Variants in PCSK5 observed in about 807,000 individuals in gnomAD.
PCSK5 encodes the protein prohormone convertase 5.
A neutral mutation model predicts 233.2 loss-of-function variants in PCSK5; 129 were observed. The ratio of observed to expected loss-of-function variants is 0.55; its 90% CI spans 0.48 to 0.64. PCSK5 has a LOEUF of 0.64. Ranked by LOEUF, PCSK5 falls within the 30% of genes least tolerant of loss-of-function variation. The probability of loss-of-function intolerance (pLI) is 0.00; values close to 1 mark genes in which losing one functional copy is unlikely to be tolerated. For missense variants in PCSK5, 2,076 were observed against 2,430.1 expected (o/e 0.85, Z 3.06); for synonymous variants, 825 against 879.2 (o/e 0.94, Z 1.09).
intron 1 of PCSK5, among the ~76,000 whole-genome samples, chr9:75,917,720 A>G (rs936268390): frequency 2.0e-5 from 3 of 152,250 alleles, no homozygotes; most frequent in East Asian, 3.8e-4. Context: ...GGATTACTTT[A>G]TTCATCTTGC....
intron 15 of PCSK5, among the ~76,000 whole-genome samples, chr9:76,180,087 G>GTATA (rs1554701013): frequency 0.072 from 9,585 of 132,436 alleles, 366 homozygotes; most frequent in Middle Eastern, 0.12. Context: ...GTGTGTGTGT[G>GTATA]TATATATATA....
chr9:75,910,555 A>T (rs567665949), intron 1 of PCSK5, among the ~76,000 whole-genome samples: 1 of 151,788 alleles, frequency 6.6e-6, no homozygotes, highest in Admixed American at 6.6e-5. Context: ...AATCACTGGT[A>T]AGCTTCGTTA....
At chr9:76,235,282 A>G (rs973741567) in intron 22 of PCSK5, among the ~76,000 whole-genome samples, 3 of 150,078 alleles carry the variant, frequency 2.0e-5, no homozygotes, top group African/African-American at 7.4e-5. Flanking sequence ...TCACCTCTTT[A>G]TGCCTCTTCT....
At chr9:75,975,830 C>T (rs949042754) in intron 2 of PCSK5, among the ~76,000 whole-genome samples, 1 of 152,092 alleles carries the variant, frequency 6.6e-6, no homozygotes, top group African/African-American at 2.4e-5. Flanking sequence ...TTTCGAATTG[C>T]TTAGAGGATG....
chr9:76,089,689 G>T (rs895847533), intron 7 of PCSK5, among the ~76,000 whole-genome samples: 3 of 152,138 alleles, frequency 2.0e-5, no homozygotes, highest in Non-Finnish European at 4.4e-5. Flanking sequence ...TACAGGAGAA[G>T]AAAGTAATAC....
chr9:76,092,856 C>G (rs1831351955), intron 7 of PCSK5, among the ~76,000 whole-genome samples: 1 of 152,104 alleles, frequency 6.6e-6, no homozygotes, highest in Admixed American at 6.5e-5. Context: ...AAAAAATTAT[C>G]TCTTAACAAT....
At chr9:75,990,344 C>T (rs1010448611) in intron 3 of PCSK5, among the ~76,000 whole-genome samples, 1 of 152,168 alleles carries the variant, frequency 6.6e-6, no homozygotes, top group Non-Finnish European at 1.5e-5. Context: ...AATTTACAAG[C>T]TTTTCCCATG....
At chr9:76,102,390 A>G (rs1168313222) in intron 8 of PCSK5, among the ~76,000 whole-genome samples, 1 of 152,190 alleles carries the variant, frequency 6.6e-6, no homozygotes, top group Non-Finnish European at 1.5e-5. Context: ...TGTCTCATTC[A>G]TTGCAAGCTG....
intron 30 of PCSK5, among the ~76,000 whole-genome samples, chr9:76,312,509 C>CAA (rs754860671): frequency 3.3e-5 from 3 of 90,178 alleles, no homozygotes; most frequent in Non-Finnish European, 4.6e-5. Flanking sequence ...AACTCCATCT[C>CAA]AAAAAAAAAA....
At chr9:75,922,577 C>G (rs1171368851) in intron 1 of PCSK5, among the ~76,000 whole-genome samples, 1 of 152,094 alleles carries the variant, frequency 6.6e-6, no homozygotes, top group Admixed American at 6.6e-5. Context: ...TGGGTTGTTG[C>G]CTTGAGTAGT....
intron 35 of PCSK5, among the ~76,000 whole-genome samples, chr9:76,343,532 G>A (rs373444615): frequency 2.8e-4 from 43 of 152,066 alleles, no homozygotes; most frequent in South Asian, 1.5e-3. Context: ...GTATGTTTGC[G>A]TATGAGGCCC....
Position 76,322,917 on chromosome 9 carries a change from G to A in PCSK5, c.4103-135G>A, listed in dbSNP as rs1303965193. The A allele has an allele frequency of 4.8e-6, 3 of 621,016 alleles. No homozygotes were observed. In the African/African-American group the frequency reaches 5.5e-5, roughly 11 times the overall value. The allele number at this position is 621,016 out of a possible 1,614,324, so 38.5% of individuals were successfully genotyped here. A position where few individuals can be genotyped will look rare whatever the true frequency, so the allele number is the denominator to read the frequency against. On this transcript the variant is annotated intron_variant, in intron 31 of 37. Transcript: ENST00000674117. ...TGTTAGACATCAAGTCTATGCCCTG[G>A]CAGGGTGGGTAAAGGGCAAGCATAC...
intron 5 of PCSK5, among the ~76,000 whole-genome samples, chr9:76,044,998 G>T (rs537061574): frequency 5.9e-5 from 9 of 152,154 alleles, no homozygotes; most frequent in Non-Finnish European, 8.8e-5. Flanking sequence ...ACAGATCACA[G>T]TCTATTCCTT....
chr9:76,240,646 G>A lies in PCSK5; in HGVS notation c.3104G>A (p.Cys1035Tyr). The part of the protein sequence containing the change: ...GEVQDPDYEE[C>Y]VPCEEGCLGC... ...GTCCAAGACCCAGACTATGAAGAAT[G>A]TGTCCCTTGTGAAGAAGGATGTCTG... Residue 1035 changes from cysteine to tyrosine, a missense_variant, in exon 24 of 38, where the codon TGT (cysteine) becomes TAT (tyrosine). Cys to Tyr is a radical substitution (Grantham distance 194). Coordinates refer to ENST00000674117, the MANE Select transcript of PCSK5 (RefSeq NM_001372043.1). The A allele has an allele frequency of 6.3e-7, 1 of 1,580,974 alleles. No homozygotes were observed. The highest frequency in any genetic ancestry group is 8.6e-7 in the Non-Finnish European group (1 of 1,161,874).
At chr9:76,053,364 G>C (rs1259885185) in intron 5 of PCSK5, among the ~76,000 whole-genome samples, 1 of 152,196 alleles carries the variant, frequency 6.6e-6, no homozygotes, top group African/African-American at 2.4e-5. Flanking sequence ...TTAGGCGGAG[G>C]TTCCCAAACA....
At chr9:76,350,789 TA>T in intron 35 of PCSK5, 38 bp from the exon 36 acceptor site, 1 of 1,208,134 alleles carries the variant, frequency 8.3e-7, no homozygotes, top group African/African-American at 1.5e-5. Flanking sequence ...AGTTGAAATC[TA>T]AGGTCAATCT....
chr9:75,935,326 C>T (rs1395029300), intron 2 of PCSK5, among the ~76,000 whole-genome samples: 1 of 152,186 alleles, frequency 6.6e-6, no homozygotes, highest in Non-Finnish European at 1.5e-5. Flanking sequence ...CTCGGCCTCC[C>T]AGAGTGCTGG....
chr9:76,184,783 G>C (rs776261328), intron 17 of PCSK5, 26 bp downstream of exon 17: 1 of 1,338,482 alleles, frequency 7.5e-7, no homozygotes, highest in Non-Finnish European at 1.1e-6. Flanking sequence ...ATTTTATCAA[G>C]TAACACAGCC....
chr9:76,039,755 C>G (rs144786596), intron 5 of PCSK5, among the ~76,000 whole-genome samples: 12 of 152,234 alleles, frequency 7.9e-5, no homozygotes, highest in Middle Eastern at 6.8e-3. Flanking sequence ...CTTTGAGAAG[C>G]TTGGTATATG....
Sources: allele counts gnomAD v4.1 joint callset (sites outside exome capture counted in the v4.1 genomes callset), GRCh38; gene constraint gnomAD v4.1.1; transcripts MANE v1.5; gene names NCBI Gene and HGNC (gene_info 2026-07-23, HGNC 2026-07-21).